Variants in CEP128 observed in about 807,000 individuals in gnomAD.
CEP128 encodes the protein centrosomal protein 128kDa.
A neutral mutation model predicts 156.7 loss-of-function variants in CEP128; 132 were observed. The ratio of observed to expected loss-of-function variants is 0.84; its 90% CI spans 0.73 to 0.97. CEP128 has a LOEUF of 0.97. Ranked by LOEUF, CEP128 falls within the 50% of genes least tolerant of loss-of-function variation. The pLI, the probability that CEP128 is intolerant of heterozygous loss-of-function variation, is 0.00. For synonymous variants in CEP128, 469 were observed against 448.9 expected, an observed-to-expected ratio of 1.04 and a Z score of -0.57; for missense variants, 1,252 against 1,281.9, an observed-to-expected ratio of 0.98 and a Z score of 0.36.
intron 19 of CEP128, among the ~76,000 whole-genome samples, chr14:80,670,198 A>G (rs1895781538): frequency 6.6e-6 from 1 of 152,230 alleles, no homozygotes; most frequent in Admixed American, 6.5e-5. Flanking sequence ...ATTACATTTC[A>G]ACATGAGATT....
intron 19 of CEP128, among the ~76,000 whole-genome samples, chr14:80,690,013 T>C (rs949414039): frequency 6.6e-6 from 1 of 152,066 alleles, no homozygotes; most frequent in African/African-American, 2.4e-5. Flanking sequence ...CATGGCAATC[T>C]TGAAAATATC....
At chr14:80,789,102 C>A (rs918740566) in intron 14 of CEP128, among the ~76,000 whole-genome samples, 1 of 151,922 alleles carries the variant, frequency 6.6e-6, no homozygotes, top group Non-Finnish European at 1.5e-5. Context: ...AGTGGAAAGT[C>A]GGGTTGACTC....
intron 15 of CEP128, 78 bp downstream of exon 15, chr14:80,784,817 A>G: frequency 8.2e-7 from 1 of 1,222,548 alleles, no homozygotes; most frequent in Non-Finnish European, 1.1e-6. Context: ...AATGATCTCT[A>G]AAAGTTTACG....
rs114844550 is a variant in CEP128, at chr14:80,749,206, A to G, written c.2614-5939T>C. Among the ~76,000 whole-genome samples, 801 of 152,310 alleles carry G rather than the reference A, an allele frequency of 5.3e-3. 14 individuals are homozygous for G. Among genetic ancestry groups the G allele is most frequent in the African/African-American group, 0.018 (768 of 41,556 alleles). On this transcript the variant is annotated intron_variant, in intron 18 of 24. Coordinates refer to ENST00000555265, the MANE Select transcript of CEP128 (RefSeq NM_152446.5). The stretch of plus-strand genomic sequence containing the variant: ...AAAGACTCTGCCTGGTAACCCAAGC[A>G]CTTCGGAGAACATATGGAGGTTTCT...
intron 19 of CEP128, among the ~76,000 whole-genome samples, chr14:80,722,149 T>C (rs1453645722): frequency 1.3e-5 from 2 of 152,216 alleles, no homozygotes; most frequent in Non-Finnish European, 2.9e-5. Flanking sequence ...AATATCCATT[T>C]TATCCTTTGG....
intron 9 of CEP128, among the ~76,000 whole-genome samples, chr14:80,846,595 A>G (rs1886614098): frequency 6.6e-6 from 1 of 152,196 alleles, no homozygotes; most frequent in Non-Finnish European, 1.5e-5. Flanking sequence ...GTGTAAGATA[A>G]CATACATGGT....
At chr14:80,484,485 T>C (rs910895752) in intron 14 of CEP128, among the ~76,000 whole-genome samples, 1 of 152,204 alleles carries the variant, frequency 6.6e-6, no homozygotes, top group African/African-American at 2.4e-5. Flanking sequence ...CAACCGACAG[T>C]AATTATTCTG....
chr14:80,541,443 T>TAA (rs35523389), intron 21 of CEP128, among the ~76,000 whole-genome samples: 6,533 of 109,820 alleles, frequency 0.059, 592 homozygotes, highest in African/African-American at 0.21. Flanking sequence ...ATGACTGTGT[T>TAA]AAAAAAAAAA....
At chr14:80,679,481 C>T (rs527577450) in intron 19 of CEP128, among the ~76,000 whole-genome samples, 71 of 152,184 alleles carry the variant, frequency 4.7e-4, no homozygotes, top group Non-Finnish European at 7.8e-4. Flanking sequence ...GACTGAAATA[C>T]GCCCTGGTCT....
chr14:80,533,295 C>A (rs570655758), intron 21 of CEP128, among the ~76,000 whole-genome samples: 1 of 152,026 alleles, frequency 6.6e-6, no homozygotes, highest in Non-Finnish European at 1.5e-5. Flanking sequence ...CATAAACACA[C>A]TCCAATAATA....
intron 18 of CEP128, among the ~76,000 whole-genome samples, chr14:80,750,323 G>GC (rs1004164390): frequency 1.6e-4 from 24 of 152,106 alleles, no homozygotes; most frequent in African/African-American, 4.8e-4. Context: ...TAGTGTAGTT[G>GC]CCCCTGCTAA....
At chr14:80,642,797 C>A (rs992296748) in intron 19 of CEP128, among the ~76,000 whole-genome samples, 18 of 151,726 alleles carry the variant, frequency 1.2e-4, no homozygotes, top group South Asian at 8.4e-4. Context: ...GCTCTGTCAC[C>A]CAGGCTGGAA....
At position 80,953,872 on chromosome 14, in the gene CEP128, A is replaced by G. The variant is rs114241114; in HGVS notation, c.-172+4306T>C. 9.1e-3 allele frequency among the ~76,000 whole-genome samples: 1,392 copies of G among 152,344 alleles called. 15 individuals carry two copies. The highest frequency in any genetic ancestry group is 0.032 in the African/African-American group (1,346 of 41,572). Reference sequence around the variant, plus strand: ...GCTATATAAATGAATCATTAATATGAATAATTACATATAAATACGTAATAT... The same window carrying G: ...GCTATATAAATGAATCATTAATATGGATAATTACATATAAATACGTAATAT... On this transcript the variant is annotated intron_variant, in intron 2 of 7. Transcript: ENST00000555529.
intron 9 of CEP128, among the ~76,000 whole-genome samples, chr14:80,843,743 T>C (rs1257877194): frequency 2.0e-5 from 3 of 151,982 alleles, no homozygotes; most frequent in Non-Finnish European, 4.4e-5. Flanking sequence ...TATTAAAAAT[T>C]TGAGGTAGCT....
At chr14:80,724,375 T>C (rs1342379612) in intron 19 of CEP128, among the ~76,000 whole-genome samples, 1 of 151,954 alleles carries the variant, frequency 6.6e-6, no homozygotes, top group African/African-American at 2.4e-5. Flanking sequence ...CTTAATAATA[T>C]AATAATAATT....
chr14:80,529,652 A>G (rs1197027290), intron 22 of CEP128, among the ~76,000 whole-genome samples: 1 of 152,220 alleles, frequency 6.6e-6, no homozygotes, highest in Non-Finnish European at 1.5e-5. Flanking sequence ...AGAGAAAAAA[A>G]TGAAAATAAT....
chr14:80,746,411 A>C (rs56291068), intron 18 of CEP128, among the ~76,000 whole-genome samples: 9,911 of 152,262 alleles, frequency 0.065, 1,074 homozygotes, highest in African/African-American at 0.23. Flanking sequence ...ATGGAACAGA[A>C]GTGAGAGTCT....
chr14:80,777,559 G>A (rs1440954970), intron 16 of CEP128, among the ~76,000 whole-genome samples: 3 of 152,192 alleles, frequency 2.0e-5, no homozygotes, highest in Non-Finnish European at 4.4e-5. Flanking sequence ...ATAGACATAG[G>A]TCAATCAGTT....
chr14:80,722,944 A>C (rs1897880932), intron 19 of CEP128, among the ~76,000 whole-genome samples: 1 of 148,876 alleles, frequency 6.7e-6, no homozygotes, highest in African/African-American at 2.5e-5. Flanking sequence ...CTCCTGCCTC[A>C]GCCTCCCAAG....
Sources: gnomAD v4.1 joint callset for allele counts (sites outside exome capture counted in the v4.1 genomes callset) on GRCh38, gnomAD v4.1.1 for gene constraint, MANE v1.5 for transcripts, NCBI Gene and HGNC (gene_info 2026-07-23, HGNC 2026-07-21) for gene names.